Variants in PITPNM2 observed in about 807,000 individuals in gnomAD.
PITPNM2 encodes the protein phosphatidylinositol transfer protein membrane associated 2, also known as membrane-associated phosphatidylinositol transfer protein 2.
In PITPNM2, 35 loss-of-function variants were observed where a neutral mutation model predicts 132.2. The ratio of observed to expected loss-of-function variants is 0.26; its 90% CI spans 0.20 to 0.35. PITPNM2 has a LOEUF of 0.35. PITPNM2 is among the 10% of genes least tolerant of loss of function. PITPNM2 has a pLI of 1.00. For synonymous variants in PITPNM2, 738 were observed against 799.2 expected, an observed-to-expected ratio of 0.92 and a Z score of 1.29; for missense variants, 1,332 against 1,912.0, an observed-to-expected ratio of 0.70 and a Z score of 5.66.
Position 123,013,880 on chromosome 12 carries a change from C to T in PITPNM2, c.241G>A (p.Ala81Thr), listed in dbSNP as rs370698421. The change falls in exon 4 of 26, where the codon GCC becomes ACC. Residue 81 changes from alanine to threonine, a missense_variant. Coordinates refer to ENST00000320201, the MANE Select transcript of PITPNM2 (RefSeq NM_020845.3). ...SWFRSILPKA[A>T]LRVVEESWNA... ...CAAGACTCCTCCACCACCCGCAGGGCTGCCTTGGGCAGGATGGAGCGGAAC... is the reference window on the plus strand; with the variant it reads ...CAAGACTCCTCCACCACCCGCAGGGTTGCCTTGGGCAGGATGGAGCGGAAC... The T allele has an allele frequency of 7.7e-5, 124 of 1,614,166 alleles. No homozygotes were observed. The highest frequency in any genetic ancestry group is 1.0e-4 in the Non-Finnish European group (118 of 1,180,062).
At position 123,064,892 on chromosome 12, in the gene PITPNM2, C is replaced by G. The variant is rs2136821775; in HGVS notation, c.-95-30207G>C. ...TTTACCTGCTCCAGGCCTCAGTGTA[C>G]CCATTTGTGGACCACCACCCACCTT... is the stretch of plus-strand genomic sequence containing the variant. On this transcript the variant is annotated intron_variant, in intron 2 of 25. Coordinates refer to ENST00000320201, the MANE Select transcript of PITPNM2 (RefSeq NM_020845.3). This position sits in a 1 kb window ranked among gnomAD's most constrained non-coding sequence, Gnocchi z 4.0. Among the ~76,000 whole-genome samples the G allele has an allele frequency of 6.6e-6, 1 of 152,336 alleles. No individual in the cohort carries two copies. Among genetic ancestry groups the G allele is most frequent in the South Asian group, 2.1e-4 (1 of 4,828 alleles).
chr12:123,147,187 C>T (rs942802589), intron 1 of PITPNM2, among the ~76,000 whole-genome samples: 1 of 152,290 alleles, frequency 6.6e-6, no homozygotes. Flanking sequence ...CCCTGACTGC[C>T]TTACCCAGAA....
intron 1 of PITPNM2, among the ~76,000 whole-genome samples, chr12:123,119,310 G>A (rs565477194): frequency 2.9e-4 from 44 of 151,620 alleles, no homozygotes; most frequent in African/African-American, 7.8e-4. Flanking sequence ...GGATTAGGTA[G>A]CACAACTAAA....
chr12:122,987,391 C>A lies in PITPNM2; in HGVS notation c.3303G>T (p.Leu1101=), dbSNP rs1485417387. Residue 1101 remains leucine, a synonymous_variant, in exon 23 of 26, where the codon CTG becomes CTT. Transcript: ENST00000320201. ...HTFADSYITV[L]PKGTEFVVFS... Reference sequence around the variant, plus strand: ...AGACCACGAACTCTGTGCCCTTGGGCAGCACGGTGATGTAGCTGTCGGCAA... The same window carrying A: ...AGACCACGAACTCTGTGCCCTTGGGAAGCACGGTGATGTAGCTGTCGGCAA... The A allele has an allele frequency of 6.8e-6, 11 of 1,613,672 alleles. No homozygotes were observed. The Admixed American group carries it at 1.0e-4, about 15-fold the overall frequency.
At position 123,117,255 on chromosome 12, in the gene PITPNM2, A is replaced by C. The variant is rs559022034; in HGVS notation, c.-199-6767T>G. ...GAAATGAAGCCGGTGCTGAGTTTCA[A>C]ACAGCGGTCGTGAGGCTGGGGAATT... On this transcript the variant is annotated intron_variant, in intron 1 of 25. Transcript: ENST00000320201. The surrounding 1 kb of genome is among the most constrained non-coding windows in gnomAD (Gnocchi z 4.7). Among the ~76,000 whole-genome samples the C allele has an allele frequency of 1.3e-5, 2 of 152,342 alleles. No homozygotes were observed. Among genetic ancestry groups the C allele is most frequent in the Non-Finnish European group, 2.9e-5 (2 of 68,034 alleles).
At chr12:123,120,269 G>A (rs914793137) in intron 1 of PITPNM2, among the ~76,000 whole-genome samples, 1 of 152,122 alleles carries the variant, frequency 6.6e-6, no homozygotes, top group African/African-American at 2.4e-5. Context: ...TGTGAGCTTC[G>A]ACGGCCCCTC....
At position 123,031,254 on chromosome 12, in the gene PITPNM2, T is replaced by A. The variant is rs1236362343; in HGVS notation, c.78+3259A>T. Among the ~76,000 whole-genome samples, 1 of 152,226 alleles carries A rather than the reference T, an allele frequency of 6.6e-6. No individual in the cohort carries two copies. The highest frequency in any genetic ancestry group is 2.4e-5 in the African/African-American group (1 of 41,466). ...TAGAGACCTGATAGCCTGAGCCCCGTCCATGCAGACAGTAGGCAGGCCAGC... is the reference window on the plus strand; with the variant it reads ...TAGAGACCTGATAGCCTGAGCCCCGACCATGCAGACAGTAGGCAGGCCAGC... On this transcript the variant is annotated intron_variant, in intron 3 of 25. Coordinates refer to ENST00000320201, the MANE Select transcript of PITPNM2 (RefSeq NM_020845.3). The surrounding 1 kb of genome is among the most constrained non-coding windows in gnomAD (Gnocchi z 4.5).
intron 3 of PITPNM2, among the ~76,000 whole-genome samples, chr12:123,029,232 A>C (rs1033479328): frequency 6.6e-6 from 1 of 152,160 alleles, no homozygotes; most frequent in African/African-American, 2.4e-5. Flanking sequence ...GGCCCTGTGG[A>C]CCTCAATTTC....
intron 1 of PITPNM2, among the ~76,000 whole-genome samples, chr12:123,136,788 T>A (rs1444490181): frequency 6.6e-6 from 1 of 152,164 alleles, no homozygotes; most frequent in Non-Finnish European, 1.5e-5. Context: ...TCCCAGCTAT[T>A]CAGGAGGCTG....
rs1489728549 is a variant in PITPNM2 at position 123,099,164 on chromosome 12, G to C, written c.-96+11221C>G. On this transcript the variant is annotated intron_variant, in intron 2 of 25. Transcript: ENST00000320201. The surrounding 1 kb of genome is among the most constrained non-coding windows in gnomAD (Gnocchi z 4.2). Reference sequence around the variant, plus strand: ...CTGGATCTCTGATTCAGTGGGCACAGCAAGCACCTGCCAGATAAGGGAGGC... The same window carrying C: ...CTGGATCTCTGATTCAGTGGGCACACCAAGCACCTGCCAGATAAGGGAGGC... 6.6e-6 allele frequency among the ~76,000 whole-genome samples: 1 copy of C among 151,962 alleles called. No homozygotes were observed. Among genetic ancestry groups the C allele is most frequent in the Non-Finnish European group, 1.5e-5 (1 of 67,988 alleles).
Position 122,997,575 on chromosome 12 carries a change from G to A in PITPNM2, c.1225-3C>T. The A allele has an allele frequency of 6.2e-7, 1 of 1,609,458 alleles. No individual in the cohort carries two copies. The highest frequency in any genetic ancestry group is 8.5e-7 in the Non-Finnish European group (1 of 1,176,984). ...GCCAGCGGCTGGCTAACCTCGTCCT[G>A]CATGGGTTGGGGGACAGTGTCAGCT... is the stretch of plus-strand genomic sequence containing the variant. On this transcript the variant is annotated splice_polypyrimidine_tract_variant and splice_region_variant and intron_variant, in intron 10 of 25. Coordinates refer to ENST00000320201, the MANE Select transcript of PITPNM2 (RefSeq NM_020845.3).
intron 2 of PITPNM2, among the ~76,000 whole-genome samples, chr12:123,049,989 G>A (rs1189268370): frequency 6.6e-6 from 1 of 152,222 alleles, no homozygotes; most frequent in Non-Finnish European, 1.5e-5. Flanking sequence ...CTGTTCCTTA[G>A]CGCAGCTAAG....
rs113068112 is a variant in PITPNM2, at chr12:123,143,923, G to T, written c.-200+6830C>A. On this transcript the variant is annotated intron_variant, in intron 1 of 25. Transcript: ENST00000320201. ...TACCATCAGCATTGTGAGGTGCCCT[G>T]AGCTAGGCTGGATACACCGTGGGGG... is the stretch of plus-strand genomic sequence containing the variant. Among the ~76,000 whole-genome samples the T allele has an allele frequency of 5.0e-3, 761 of 152,328 alleles. 6 individuals are homozygous for T. The highest frequency in any genetic ancestry group is 0.017 in the African/African-American group (692 of 41,570).
At chr12:123,040,371 A>C (rs1282094625) in intron 2 of PITPNM2, among the ~76,000 whole-genome samples, 1 of 152,216 alleles carries the variant, frequency 6.6e-6, no homozygotes, top group Non-Finnish European at 1.5e-5. Context: ...AAAAACTGTT[A>C]AAATAGCAAA....
Position 123,099,062 on chromosome 12 carries a change from C to T in PITPNM2, c.-96+11323G>A, listed in dbSNP as rs2042484431. ...CTCTCTGCTCTAGCTGCACTCTGTG[C>T]CTCCCTTCTGTGCATGTGCTATGCA... On this transcript the variant is annotated intron_variant, in intron 2 of 25. Coordinates refer to ENST00000320201, the MANE Select transcript of PITPNM2 (RefSeq NM_020845.3). The surrounding 1 kb of genome is among the most constrained non-coding windows in gnomAD (Gnocchi z 4.2). Among the ~76,000 whole-genome samples the T allele has an allele frequency of 6.6e-6, 1 of 152,074 alleles. No individual in the cohort carries two copies. The highest frequency in any genetic ancestry group is 1.5e-5 in the Non-Finnish European group (1 of 68,024).
intron 2 of PITPNM2, among the ~76,000 whole-genome samples, chr12:123,063,343 C>T (rs938761981): frequency 6.6e-6 from 1 of 152,254 alleles, no homozygotes; most frequent in Non-Finnish European, 1.5e-5. Context: ...GGCCTGCGCC[C>T]CTGGCTGGGC....
intron 10 of PITPNM2, among the ~76,000 whole-genome samples, chr12:122,998,967 C>T (rs554926556): frequency 2.0e-5 from 3 of 152,262 alleles, no homozygotes; most frequent in East Asian, 1.9e-4. Flanking sequence ...AAAAATTAGC[C>T]AGGCATGGTT....
Position 123,099,333 on chromosome 12 carries a change from G to C in PITPNM2, c.-96+11052C>G, listed in dbSNP as rs543628548. On this transcript the variant is annotated intron_variant, in intron 2 of 25. Coordinates refer to ENST00000320201, the MANE Select transcript of PITPNM2 (RefSeq NM_020845.3). The surrounding 1 kb of genome is among the most constrained non-coding windows in gnomAD (Gnocchi z 4.2). ...AAGGCAAGTCTGGCTCTCTGAATCT[G>C]CCTCCCTATGTTCCTCGGAGAACAC... Among the ~76,000 whole-genome samples the C allele has an allele frequency of 2.6e-5, 4 of 152,242 alleles. No homozygotes were observed. The South Asian group carries it at 8.3e-4, about 32-fold the overall frequency.
chr12:123,020,469 GGA>G (rs375089907), intron 3 of PITPNM2, among the ~76,000 whole-genome samples: 2 of 152,160 alleles, frequency 1.3e-5, no homozygotes, highest in African/African-American at 4.8e-5. Flanking sequence ...GGTTTAAGCA[GGA>G]GAGGAGCACA....
Sources: gnomAD v4.1 joint callset for allele counts (sites outside exome capture counted in the v4.1 genomes callset) on GRCh38, gnomAD v4.1.1 for gene constraint, Gnocchi (gnomAD v3.1) non-coding constraint, MANE v1.5 for transcripts, NCBI Gene and HGNC (gene_info 2026-07-23, HGNC 2026-07-21) for gene names.